The following ETV1 variants were observed in gnomAD, a reference collection of about 807,000 sequenced individuals.
The protein encoded by ETV1 is ETS variant transcription factor 1, also known as ETS translocation variant 1.
In ETV1, 27 loss-of-function variants were observed where a neutral mutation model predicts 62.3. That is an observed-to-expected ratio of 0.43 (90% CI 0.32 to 0.60). ETV1 has a LOEUF of 0.60. ETV1 is among the 20% of genes least tolerant of loss of function. The pLI is 0.06. For missense variants in ETV1, 605 were observed against 605.8 expected, an observed-to-expected ratio of 1.00 and a Z score of 0.01; for synonymous variants, 222 against 199.6, an observed-to-expected ratio of 1.11 and a Z score of -0.94.
At chr7:13,988,902 TA>T in intron 3 of ETV1, 105 bp downstream of exon 3, 1 of 1,526,162 alleles carries the variant, frequency 6.6e-7, no homozygotes, top group East Asian at 2.3e-5. Flanking sequence ...AGCAGATAAG[TA>T]TCTGCAATCC....
chr7:13,924,714 C>T (rs1304467082), intron 9 of ETV1, among the ~76,000 whole-genome samples: 1 of 152,116 alleles, frequency 6.6e-6, no homozygotes, highest in African/African-American at 2.4e-5. Flanking sequence ...ATTAGAAAAT[C>T]CTAATTTTAG....
At chr7:13,977,049 C>A (rs1781517310) in intron 6 of ETV1, among the ~76,000 whole-genome samples, 1 of 152,288 alleles carries the variant, frequency 6.6e-6, no homozygotes, top group South Asian at 2.1e-4. Flanking sequence ...ACTCTACCTC[C>A]CATCAGCATC....
intron 5 of ETV1, among the ~76,000 whole-genome samples, chr7:13,981,374 T>C (rs1467732912): frequency 2.6e-5 from 4 of 152,106 alleles, no homozygotes; most frequent in Non-Finnish European, 5.9e-5. Context: ...TCTTTTCATG[T>C]CACACCCTTC....
chr7:13,906,588 G>C lies in ETV1; in HGVS notation c.952C>G (p.Gln318Glu). Residue 318 changes from glutamine to glutamate, a missense_variant, in exon 12 of 14, where the codon CAA becomes GAA. Transcript: ENST00000430479. ...VPEKFDGDIKQEPGMYREGPT... is the reference protein window; with the variant it reads ...VPEKFDGDIKEEPGMYREGPT... ...CCTTCCCGATACATTCCTGGCTCTT[G>C]TTTGATGTCTCCTAAATTAAAACAT... is the stretch of plus-strand genomic sequence containing the variant. 2 of 1,603,960 alleles carry C rather than the reference G, an allele frequency of 1.2e-6. No homozygotes were observed. The highest frequency in any genetic ancestry group is 1.7e-6 in the Non-Finnish European group (2 of 1,176,042).
intron 7 of ETV1, among the ~76,000 whole-genome samples, chr7:13,937,052 A>T (rs961775982): frequency 8.5e-5 from 13 of 152,140 alleles, no homozygotes; most frequent in Non-Finnish European, 1.6e-4. Flanking sequence ...AAAAAAAAAT[A>T]AGTAAAATAA....
chr7:13,966,689 A>G lies in ETV1; in HGVS notation c.235+10738T>C, dbSNP rs113219880. 2.0e-5 allele frequency among the ~76,000 whole-genome samples: 3 copies of G among 152,176 alleles called. No homozygotes were observed. The East Asian group carries it at 5.8e-4, about 29-fold the overall frequency. On this transcript the variant is annotated intron_variant, in intron 6 of 13. Coordinates refer to ENST00000430479, the MANE Select transcript of ETV1 (RefSeq NM_004956.5). ...AACAAACAAAAAAACCTAAAATTACATGAAACCTAAGCACATTTTCTTCAA... is the reference window on the plus strand; with the variant it reads ...AACAAACAAAAAAACCTAAAATTACGTGAAACCTAAGCACATTTTCTTCAA...
chr7:13,937,591 C>T lies in ETV1; in HGVS notation c.365+1526G>A, dbSNP rs550030037. Among the ~76,000 whole-genome samples the T allele has an allele frequency of 9.2e-5, 14 of 152,292 alleles. No homozygotes were observed. The South Asian group carries it at 2.9e-3, about 32-fold the overall frequency. ...TTCACAGTCACAATTCTGATTAATG[C>T]TGAAAGGCAATGACAATTCTATATC... On this transcript the variant is annotated intron_variant, in intron 7 of 13. Coordinates refer to ENST00000430479, the MANE Select transcript of ETV1 (RefSeq NM_004956.5).
chr7:13,931,503 T>C lies in ETV1; in HGVS notation c.801A>G (p.Ser267=). ...AATTTGCGCAGAGCGCAGGCCTACC[T>C]GAGTCATATGCAAAATCTCTGGGTT... ...KQEPRDFAYD[S]EVPSCHSIYM... is the part of the protein sequence containing the mutation. Residue 267 remains serine (S), a splice_region_variant and synonymous_variant, in exon 9 of 14, where the codon TCA becomes TCG. Transcript: ENST00000430479. 1.2e-6 allele frequency: 2 copies of C among 1,613,956 alleles called. No individual in the cohort carries two copies. The highest frequency in any genetic ancestry group is 1.7e-6 in the Non-Finnish European group (2 of 1,179,846).
At chr7:13,906,653 A>C (rs1360965998) in intron 11 of ETV1, 54 bp from the exon 12 acceptor site, 2 of 1,325,354 alleles carry the variant, frequency 1.5e-6, no homozygotes, top group African/African-American at 1.5e-5. Context: ...GCTATCTTAC[A>C]TAAAATGTAC....
intron 6 of ETV1, among the ~76,000 whole-genome samples, chr7:13,966,173 C>G (rs1328651891): frequency 6.6e-6 from 1 of 152,116 alleles, no homozygotes; most frequent in African/African-American, 2.4e-5. Flanking sequence ...TAATACTTAA[C>G]AGTAGAGTAC....
chr7:13,983,944 T>C (rs1433480655), intron 5 of ETV1, among the ~76,000 whole-genome samples: 2 of 151,858 alleles, frequency 1.3e-5, no homozygotes, highest in Non-Finnish European at 2.9e-5. Context: ...AAAGAAATTT[T>C]ATAATCCATA....
intron 6 of ETV1, among the ~76,000 whole-genome samples, chr7:13,972,096 C>T (rs1238696036): frequency 6.0e-5 from 9 of 150,878 alleles, no homozygotes; most frequent in South Asian, 2.1e-4. Flanking sequence ...GATGATACAG[C>T]GAGACTCTGT....
chr7:13,922,905 A>G (rs753845281), intron 9 of ETV1, among the ~76,000 whole-genome samples: 9 of 152,226 alleles, frequency 5.9e-5, no homozygotes, highest in Non-Finnish European at 1.3e-4. Flanking sequence ...GTATGAGGTT[A>G]GTTTCCCTAG....
intron 6 of ETV1, among the ~76,000 whole-genome samples, chr7:13,941,193 G>T (rs181336163): frequency 1.4e-4 from 21 of 152,254 alleles, no homozygotes; most frequent in African/African-American, 5.1e-4. Context: ...TCAATTATGA[G>T]GACTTGAATT....
intron 3 of ETV1, 67 bp from the exon 4 acceptor site, chr7:13,988,240 G>A (rs1782729547): frequency 6.8e-6 from 6 of 878,116 alleles, no homozygotes; most frequent in South Asian, 2.7e-5. Context: ...GCACACGCGC[G>A]CGCACACACA....
intron 10 of ETV1, among the ~76,000 whole-genome samples, chr7:13,910,364 G>A (rs1783441556): frequency 6.6e-6 from 1 of 151,010 alleles, no homozygotes; most frequent in Non-Finnish European, 1.5e-5. Context: ...GTGATTACCA[G>A]GAATAAATTT....
intron 8 of ETV1, among the ~76,000 whole-genome samples, chr7:13,932,334 A>G (rs1177064129): frequency 6.6e-6 from 1 of 152,244 alleles, no homozygotes; most frequent in Non-Finnish European, 1.5e-5. Context: ...AGTAAGAAAC[A>G]AAACTAGGTA....
intron 13 of ETV1, among the ~76,000 whole-genome samples, chr7:13,900,027 G>A (rs888128561): frequency 2.0e-5 from 3 of 152,210 alleles, no homozygotes; most frequent in African/African-American, 7.2e-5. Context: ...AACTTAGGAG[G>A]CTGAGGCAGG....
intron 6 of ETV1, among the ~76,000 whole-genome samples, chr7:13,948,734 TG>T (rs1164122751): frequency 5.3e-5 from 8 of 152,188 alleles, no homozygotes; most frequent in African/African-American, 1.9e-4. Flanking sequence ...AAAAGTTTGC[TG>T]ATTCCTGTTC....
Sources: allele counts gnomAD v4.1 joint callset (sites outside exome capture counted in the v4.1 genomes callset), GRCh38; gene constraint gnomAD v4.1.1; transcripts MANE v1.5; gene names NCBI Gene and HGNC (gene_info 2026-07-23, HGNC 2026-07-21).